The following GALNT17 variants were observed in gnomAD, a reference collection of about 807,000 sequenced individuals.
The protein encoded by GALNT17 is UDP-GalNAc:polypeptide N-acetylgalactosaminyltransferase-like 3.
In GALNT17, 29 loss-of-function variants were observed where a neutral mutation model predicts 63.7. The observed-to-expected ratio is 0.46, with a 90% CI of 0.34 to 0.62. The LOEUF is 0.62. Ranked by LOEUF, GALNT17 falls within the 20% of genes least tolerant of loss-of-function variation. The probability of loss-of-function intolerance (pLI) is 0.01; values close to 1 mark genes in which losing one functional copy is unlikely to be tolerated. For synonymous variants in GALNT17, 305 were observed against 318.3 expected, an observed-to-expected ratio of 0.96 and a Z score of 0.45; for missense variants, 603 against 799.6, an observed-to-expected ratio of 0.75 and a Z score of 2.97.
chr7:71,145,676 AT>A (rs1365378666), intron 1 of GALNT17, among the ~76,000 whole-genome samples: 1 of 152,010 alleles, frequency 6.6e-6, no homozygotes, highest in Non-Finnish European at 1.5e-5. Context: ...TCCCTGATTA[AT>A]TTTATAAAGT....
At chr7:71,143,704 G>C (rs1396838213) in intron 1 of GALNT17, among the ~76,000 whole-genome samples, 1 of 152,004 alleles carries the variant, frequency 6.6e-6, no homozygotes, top group African/African-American at 2.4e-5. Flanking sequence ...ATGTCATGTT[G>C]CGGCTTATTG....
At chr7:71,171,151 A>G (rs1191141133) in intron 1 of GALNT17, among the ~76,000 whole-genome samples, 2 of 152,232 alleles carry the variant, frequency 1.3e-5, no homozygotes, top group East Asian at 1.9e-4. Flanking sequence ...CAATTACTCA[A>G]AAGTGGATGT....
intron 1 of GALNT17, among the ~76,000 whole-genome samples, chr7:71,173,434 A>G (rs1289570330): frequency 1.3e-5 from 2 of 152,136 alleles, no homozygotes; most frequent in Non-Finnish European, 2.9e-5. Context: ...GACTTTTAAT[A>G]TTAGTTTAGT....
chr7:71,162,838 T>G (rs565873468), intron 1 of GALNT17, among the ~76,000 whole-genome samples: 6 of 152,222 alleles, frequency 3.9e-5, no homozygotes, highest in Non-Finnish European at 8.8e-5. Flanking sequence ...TACACTGATG[T>G]GTCCAAAGCT....
intron 9 of GALNT17, among the ~76,000 whole-genome samples, chr7:71,687,774 T>G (rs768816511): frequency 2.6e-5 from 4 of 152,234 alleles, no homozygotes; most frequent in Non-Finnish European, 5.9e-5. Flanking sequence ...GGTCTTGCTC[T>G]GTCACCCAGG....
At chr7:71,548,241 C>A (rs6944159) in intron 5 of GALNT17, among the ~76,000 whole-genome samples, 13,967 of 134,886 alleles carry the variant, frequency 0.1, 1,867 homozygotes, top group African/African-American at 0.32. Context: ...GAGTCTGTCT[C>A]AAAAAAAAAA....
chr7:71,475,214 A>G (rs868155506), intron 5 of GALNT17, among the ~76,000 whole-genome samples: 6 of 152,196 alleles, frequency 3.9e-5, no homozygotes, highest in Admixed American at 2.0e-4. Flanking sequence ...TTTTCCACAG[A>G]CCAAGGGTGA....
intron 5 of GALNT17, among the ~76,000 whole-genome samples, chr7:71,460,281 A>G (rs139472753): frequency 0.019 from 2,871 of 152,332 alleles, 40 homozygotes; most frequent in African/African-American, 0.029. Context: ...ATTGGACCAT[A>G]GGAGTGGGAG....
intron 2 of GALNT17, among the ~76,000 whole-genome samples, chr7:71,378,505 G>A (rs2116309081): frequency 6.6e-6 from 1 of 152,310 alleles, no homozygotes; most frequent in Non-Finnish European, 1.5e-5. Flanking sequence ...AGACAGAAGT[G>A]TGGTTGTGTT....
At chr7:71,447,035 T>C (rs193183324) in intron 5 of GALNT17, among the ~76,000 whole-genome samples, 28 of 152,286 alleles carry the variant, frequency 1.8e-4, no homozygotes, top group Non-Finnish European at 8.8e-5. Context: ...ATTCCTTTGC[T>C]GAGGGCTTTT....
At chr7:71,440,270 ACT>A (rs1481539855) in intron 5 of GALNT17, among the ~76,000 whole-genome samples, 1 of 150,762 alleles carries the variant, frequency 6.6e-6, no homozygotes, top group East Asian at 1.9e-4. Flanking sequence ...ACTGCAGAAG[ACT>A]CTGAAATTCA....
chr7:71,608,637 C>T (rs1248240272), intron 6 of GALNT17, among the ~76,000 whole-genome samples: 1 of 152,038 alleles, frequency 6.6e-6, no homozygotes, highest in Non-Finnish European at 1.5e-5. Context: ...TTTTTTATCC[C>T]AGCATTTGAG....
chr7:71,309,026 G>T (rs971500013), intron 1 of GALNT17, among the ~76,000 whole-genome samples: 3 of 152,132 alleles, frequency 2.0e-5, no homozygotes, highest in Admixed American at 2.0e-4. Flanking sequence ...TTACAGATGT[G>T]AGCCACTGCG....
intron 1 of GALNT17, among the ~76,000 whole-genome samples, chr7:71,203,275 C>T (rs752471134): frequency 2.0e-5 from 3 of 152,152 alleles, no homozygotes; most frequent in African/African-American, 4.8e-5. Context: ...AACAGCATAC[C>T]AGGGTTCCTT....
chr7:71,653,293 C>T (rs1303719543), intron 6 of GALNT17, among the ~76,000 whole-genome samples: 5 of 152,060 alleles, frequency 3.3e-5, no homozygotes, highest in African/African-American at 1.2e-4. Context: ...GGATTACAGG[C>T]ATGAGTCAAC....
At chr7:71,630,794 G>T (rs929129648) in intron 6 of GALNT17, among the ~76,000 whole-genome samples, 5 of 152,208 alleles carry the variant, frequency 3.3e-5, no homozygotes, top group Admixed American at 3.3e-4. Context: ...GTGCAATCCG[G>T]AAATCATGGA....
chr7:71,619,101 T>C (rs1790256779), intron 6 of GALNT17, among the ~76,000 whole-genome samples: 1 of 152,208 alleles, frequency 6.6e-6, no homozygotes, highest in Non-Finnish European at 1.5e-5. Context: ...TGGCAGCCTT[T>C]TTAAAGATCA....
At chr7:71,135,343 T>C (rs1787764495) in intron 1 of GALNT17, among the ~76,000 whole-genome samples, 2 of 152,160 alleles carry the variant, frequency 1.3e-5, no homozygotes, top group African/African-American at 4.8e-5. Flanking sequence ...CCATCCCCAG[T>C]TGAGAAATGA....
intron 1 of GALNT17, among the ~76,000 whole-genome samples, chr7:71,255,082 T>C (rs1001087369): frequency 6.6e-6 from 1 of 152,210 alleles, no homozygotes; most frequent in Non-Finnish European, 1.5e-5. Context: ...TGGATTCCTA[T>C]CTATTTTCAC....
Sources: allele counts gnomAD v4.1 joint callset (sites outside exome capture counted in the v4.1 genomes callset), GRCh38; gene constraint gnomAD v4.1.1; transcripts MANE v1.5; gene names NCBI Gene and HGNC (gene_info 2026-07-23, HGNC 2026-07-21).